Variants in ESRRG observed in about 807,000 individuals in gnomAD.
ESRRG encodes the protein estrogen related receptor gamma, also known as estrogen-related receptor gamma.
ESRRG carries 13 observed loss-of-function variants against 44.0 expected under a neutral mutation model. The ratio of observed to expected loss-of-function variants is 0.30; its 90% CI spans 0.19 to 0.47. ESRRG has a LOEUF of 0.47. Ranked by LOEUF, ESRRG falls within the 20% of genes least tolerant of loss-of-function variation. The probability of loss-of-function intolerance (pLI) is 1.00; values close to 1 mark genes in which losing one functional copy is unlikely to be tolerated. For synonymous variants in ESRRG, 215 were observed against 214.6 expected (o/e 1.00, Z -0.02); for missense variants, 395 against 580.6 (o/e 0.68, Z 3.29).
chr1:217,057,734 TCA>T (rs1293876613), intron 1 of ESRRG, among the ~76,000 whole-genome samples: 1 of 152,184 alleles, frequency 6.6e-6, no homozygotes, highest in African/African-American at 2.4e-5. Context: ...CTTGTCCAAC[TCA>T]CAGCCTGTGG....
At chr1:216,955,252 T>C (rs1178146963) in intron 1 of ESRRG, among the ~76,000 whole-genome samples, 1 of 152,130 alleles carries the variant, frequency 6.6e-6, no homozygotes, top group Non-Finnish European at 1.5e-5. Context: ...TTCTATGAAC[T>C]CAATACTTTT....
chr1:216,828,063 AAACT>A (rs1217230427), intron 2 of ESRRG, among the ~76,000 whole-genome samples: 1 of 152,134 alleles, frequency 6.6e-6, no homozygotes, highest in African/African-American at 2.4e-5. Context: ...TCTCTGCTTA[AAACT>A]AACTCTTTCC....
chr1:216,683,715 G>A (rs1430122894), intron 1 of ESRRG, among the ~76,000 whole-genome samples: 1 of 152,174 alleles, frequency 6.6e-6, no homozygotes, highest in Non-Finnish European at 1.5e-5. Context: ...CGAAATAAAA[G>A]TGTCCCATGC....
At chr1:216,979,671 A>G (rs1440720632) in intron 1 of ESRRG, among the ~76,000 whole-genome samples, 1 of 152,150 alleles carries the variant, frequency 6.6e-6, no homozygotes, top group African/African-American at 2.4e-5. Flanking sequence ...CGTAACTCAT[A>G]GGAATGTTAT....
intron 1 of ESRRG, among the ~76,000 whole-genome samples, chr1:217,067,851 A>T (rs11117765): frequency 0.14 from 20,782 of 152,134 alleles, 2,130 homozygotes; most frequent in East Asian, 0.59. Flanking sequence ...AAAGGGGAAA[A>T]AAAACCCCAC....
intron 1 of ESRRG, among the ~76,000 whole-genome samples, chr1:216,998,758 A>G (rs1033308853): frequency 6.6e-6 from 1 of 152,248 alleles, no homozygotes; most frequent in African/African-American, 2.4e-5. Context: ...ATTCCAAGGT[A>G]TTGGACAAGT....
At chr1:216,920,405 TGTGTGTGTGTGTGTGC>T (rs1042524091) in intron 2 of ESRRG, among the ~76,000 whole-genome samples, 1 of 127,828 alleles carries the variant, frequency 7.8e-6, no homozygotes, top group Non-Finnish European at 1.7e-5. Context: ...TGTGTGTGTG[TGTGTGTGTGTGTGTGC>T]GCATATTTTT....
intron 1 of ESRRG, among the ~76,000 whole-genome samples, chr1:217,131,698 C>T (rs1276642359): frequency 6.6e-6 from 1 of 152,238 alleles, no homozygotes; most frequent in Non-Finnish European, 1.5e-5. Context: ...AGCCAGAATA[C>T]AGCCCTGAAC....
intron 2 of ESRRG, among the ~76,000 whole-genome samples, chr1:216,785,061 T>C (rs1057105753): frequency 2.6e-5 from 4 of 151,896 alleles, no homozygotes; most frequent in Non-Finnish European, 5.9e-5. Flanking sequence ...CAGCAAGGAA[T>C]ACCCTCAGTG....
At chr1:217,067,107 A>G (rs924062515) in intron 1 of ESRRG, among the ~76,000 whole-genome samples, 9 of 152,240 alleles carry the variant, frequency 5.9e-5, no homozygotes, top group African/African-American at 2.2e-4. Flanking sequence ...ATTTTCTGCA[A>G]GATTACCCAC....
chr1:216,535,960 T>A (rs747481094), intron 5 of ESRRG, among the ~76,000 whole-genome samples: 38 of 152,212 alleles, frequency 2.5e-4, no homozygotes, highest in Non-Finnish European at 4.7e-4. Flanking sequence ...CATACTGTAA[T>A]CACCAATGAC....
At chr1:216,526,125 G>C (rs1428741939) in intron 5 of ESRRG, among the ~76,000 whole-genome samples, 1 of 152,130 alleles carries the variant, frequency 6.6e-6, no homozygotes, top group Admixed American at 6.6e-5. Flanking sequence ...TCTGAGGGGA[G>C]AGGATAGTGA....
At chr1:216,832,836 T>G (rs2095507336) in intron 2 of ESRRG, among the ~76,000 whole-genome samples, 2 of 151,980 alleles carry the variant, frequency 1.3e-5, no homozygotes, top group Non-Finnish European at 2.9e-5. Context: ...GTTAGCCAGA[T>G]GTAGTGATGT....
intron 1 of ESRRG, among the ~76,000 whole-genome samples, chr1:216,721,620 T>A (rs1463033520): frequency 1.3e-5 from 2 of 152,214 alleles, no homozygotes; most frequent in African/African-American, 4.8e-5. Context: ...AAATTAGCTA[T>A]AAGAAGTTAA....
chr1:216,541,604 GTGT>G (rs2052779635), intron 5 of ESRRG, among the ~76,000 whole-genome samples: 6 of 135,482 alleles, frequency 4.4e-5, no homozygotes, highest in African/African-American at 1.3e-4. Flanking sequence ...GTGTGTGTGT[GTGT>G]ATGTGATCAG....
At chr1:216,813,196 G>A (rs944212575) in intron 2 of ESRRG, among the ~76,000 whole-genome samples, 14 of 152,248 alleles carry the variant, frequency 9.2e-5, no homozygotes, top group Admixed American at 2.6e-4. Flanking sequence ...TGTTAAACAC[G>A]TGATATGATC....
intron 2 of ESRRG, among the ~76,000 whole-genome samples, chr1:216,851,589 G>T (rs1012315433): frequency 6.6e-6 from 1 of 151,402 alleles, no homozygotes; most frequent in African/African-American, 2.4e-5. Flanking sequence ...CTACAAACTG[G>T]ATGAAGGCCC....
chr1:216,638,432 T>A (rs746458345), intron 3 of ESRRG, among the ~76,000 whole-genome samples: 1 of 152,164 alleles, frequency 6.6e-6, no homozygotes, highest in African/African-American at 2.4e-5. Context: ...TAATTTAATT[T>A]AATAAAAATT....
chr1:216,589,683 C>T (rs1275607307), intron 3 of ESRRG, among the ~76,000 whole-genome samples: 1 of 151,842 alleles, frequency 6.6e-6, no homozygotes, highest in East Asian at 1.9e-4. Context: ...GCAGGTGGGT[C>T]ACTTGAGGTC....
Sources: gnomAD v4.1 joint callset for allele counts (sites outside exome capture counted in the v4.1 genomes callset) on GRCh38, gnomAD v4.1.1 for gene constraint, MANE v1.5 for transcripts, NCBI Gene and HGNC (gene_info 2026-07-23, HGNC 2026-07-21) for gene names.